Variants in DIP2C observed in about 807,000 individuals in gnomAD.
DIP2C encodes DIP2 acetate--CoA ligase C (putative).
Under a neutral mutation model 192.4 loss-of-function variants are expected in DIP2C, and 33 were observed. That is an observed-to-expected ratio of 0.17 (90% CI 0.13 to 0.23). The LOEUF is 0.23. DIP2C is among the 10% of genes least tolerant of loss of function. DIP2C has a pLI of 1.00. For synonymous variants in DIP2C, 979 were observed against 864.1 expected, an observed-to-expected ratio of 1.13 and a Z score of -2.33; for missense variants, 1,537 against 2,110.1, an observed-to-expected ratio of 0.73 and a Z score of 5.32.
At chr10:512,485 G>GGATCACCTGAGAGGT in intron 1 of DIP2C, among the ~76,000 whole-genome samples, 1 of 152,036 alleles carries the variant, frequency 6.6e-6, no homozygotes, top group African/African-American at 2.4e-5. Context: ...TGAGGTGGGA[G>GGATCACCTGAGAGGT]GATCACCTGA....
chr10:675,678 C>T (rs1392182995), intron 1 of DIP2C, among the ~76,000 whole-genome samples: 1 of 152,116 alleles, frequency 6.6e-6, no homozygotes, highest in African/African-American at 2.4e-5. Context: ...TAGAGGAAAT[C>T]GATAGATTCC....
At chr10:590,556 C>T (rs925646914) in intron 1 of DIP2C, among the ~76,000 whole-genome samples, 12 of 152,190 alleles carry the variant, frequency 7.9e-5, no homozygotes, top group African/African-American at 2.7e-4. Context: ...CCAGCTTTGA[C>T]TCATTCACAT....
At chr10:432,099 A>G (rs568813294) in intron 4 of DIP2C, among the ~76,000 whole-genome samples, 1 of 151,584 alleles carries the variant, frequency 6.6e-6, no homozygotes, top group African/African-American at 2.4e-5. Context: ...TTTTTTTTAC[A>G]CTGTTGGATT....
At chr10:634,385 T>C (rs1304164465) in intron 1 of DIP2C, among the ~76,000 whole-genome samples, 1 of 152,230 alleles carries the variant, frequency 6.6e-6, no homozygotes, top group African/African-American at 2.4e-5. Flanking sequence ...CCACTCGTAA[T>C]GACCATCAGC....
intron 1 of DIP2C, among the ~76,000 whole-genome samples, chr10:514,715 G>A (rs997715693): frequency 1.3e-5 from 2 of 152,034 alleles, no homozygotes; most frequent in Admixed American, 6.5e-5. Context: ...CTTTCTGCAC[G>A]TCCCTGCTCC....
chr10:594,637 G>A (rs762922971), intron 1 of DIP2C, among the ~76,000 whole-genome samples: 6 of 150,864 alleles, frequency 4.0e-5, no homozygotes, highest in Non-Finnish European at 5.9e-5. Flanking sequence ...TGGAGGGCAC[G>A]TGGTGCTTTC....
At chr10:578,754 G>A (rs761139482) in intron 1 of DIP2C, among the ~76,000 whole-genome samples, 5 of 151,970 alleles carry the variant, frequency 3.3e-5, no homozygotes, top group African/African-American at 4.8e-5. Flanking sequence ...CATGCATAGT[G>A]TACACACATC....
At chr10:364,324 A>G (rs772659643) in intron 20 of DIP2C, 50 bp downstream of exon 20, 1 of 1,573,310 alleles carries the variant, frequency 6.4e-7, no homozygotes, top group Non-Finnish European at 8.7e-7. Context: ...ACCACATAAA[A>G]AATATGGCCG....
At position 651,421 on chromosome 10, in the gene DIP2C, C is replaced by G. The variant is rs779500663; in HGVS notation, c.85+38073G>C. The G allele has an allele frequency of 8.6e-6, 6 of 696,106 alleles. No individual in the cohort carries two copies. Among genetic ancestry groups the G allele is most frequent in the Non-Finnish European group, 1.6e-5 (6 of 380,794 alleles). 43.1% of individuals were successfully genotyped at this position (696,106 alleles called of 1,614,324 possible). Reference sequence around the variant, plus strand: ...ACAACCAAACTCGTGACTGAATGAACAAGTATGTTAAGTCGTTAAGTAAAA... The same window carrying G: ...ACAACCAAACTCGTGACTGAATGAAGAAGTATGTTAAGTCGTTAAGTAAAA... On this transcript the variant is annotated intron_variant, in intron 1 of 36. Coordinates refer to ENST00000280886, the MANE Select transcript of DIP2C (RefSeq NM_014974.3). This position sits in a 1 kb window ranked among gnomAD's most constrained non-coding sequence, Gnocchi z 4.1.
chr10:521,700 C>A (rs527851070), intron 1 of DIP2C, among the ~76,000 whole-genome samples: 1 of 152,328 alleles, frequency 6.6e-6, no homozygotes, highest in South Asian at 2.1e-4. Flanking sequence ...ATGGGGAAAT[C>A]CTGAATGTAG....
rs551423428 is a variant in DIP2C, at chr10:601,292, T to C, written c.85+88202A>G. Among the ~76,000 whole-genome samples the C allele has an allele frequency of 2.6e-5, 4 of 152,334 alleles. No individual in the cohort carries two copies. The East Asian group carries it at 7.7e-4, about 29-fold the overall frequency. On this transcript the variant is annotated intron_variant, in intron 1 of 36. Coordinates refer to ENST00000280886, the MANE Select transcript of DIP2C (RefSeq NM_014974.3). ...CAGGCAAAAATTTTAGGAAGCTACA[T>C]TAAGGTTTACAACACTCAAAATTTA...
At chr10:547,813 G>A (rs1333799506) in intron 1 of DIP2C, among the ~76,000 whole-genome samples, 12 of 151,984 alleles carry the variant, frequency 7.9e-5, no homozygotes, top group East Asian at 1.9e-4. Context: ...GGATTTTAAC[G>A]CTGCCCTGCT....
chr10:407,618 C>T (rs1023974370), intron 9 of DIP2C, among the ~76,000 whole-genome samples: 5 of 152,074 alleles, frequency 3.3e-5, no homozygotes, highest in African/African-American at 9.7e-5. Context: ...TAGTAATTGC[C>T]GTGCTTCTCG....
intron 1 of DIP2C, among the ~76,000 whole-genome samples, chr10:559,954 C>T (rs997792325): frequency 6.6e-6 from 1 of 151,690 alleles, no homozygotes; most frequent in African/African-American, 2.4e-5. Context: ...CTCATTGCTC[C>T]GGTTCTCACC....
intron 25 of DIP2C, 100 bp from the exon 26 acceptor site, chr10:348,862 G>C: frequency 1.3e-6 from 2 of 1,527,748 alleles, no homozygotes; most frequent in Non-Finnish European, 1.8e-6. Context: ...GTTCAACAGG[G>C]AAACGAGCAG....
At chr10:368,910 C>G (rs1032809076) in intron 18 of DIP2C, among the ~76,000 whole-genome samples, 1 of 152,234 alleles carries the variant, frequency 6.6e-6, no homozygotes, top group Admixed American at 6.5e-5. Context: ...CGTGTGCACC[C>G]TAAGAATGGT....
chr10:356,004 A>G (rs1436563350), intron 24 of DIP2C, among the ~76,000 whole-genome samples: 2 of 152,198 alleles, frequency 1.3e-5, no homozygotes, highest in Admixed American at 1.3e-4. Flanking sequence ...TGCTTCAACC[A>G]GGGAGGTGGA....
chr10:563,048 A>C (rs1338349619), intron 1 of DIP2C, among the ~76,000 whole-genome samples: 1 of 152,238 alleles, frequency 6.6e-6, no homozygotes, highest in Non-Finnish European at 1.5e-5. Flanking sequence ...TACACTGCCT[A>C]CAAGTGCTCT....
chr10:360,284 C>A (rs897065876), intron 22 of DIP2C, among the ~76,000 whole-genome samples: 1 of 152,186 alleles, frequency 6.6e-6, no homozygotes, highest in African/African-American at 2.4e-5. Flanking sequence ...TTCTTGGCAG[C>A]AGCTGACAGT....
Sources: gnomAD v4.1 joint callset for allele counts (sites outside exome capture counted in the v4.1 genomes callset) on GRCh38, gnomAD v4.1.1 for gene constraint, Gnocchi (gnomAD v3.1) non-coding constraint, MANE v1.5 for transcripts, NCBI Gene and HGNC (gene_info 2026-07-23, HGNC 2026-07-21) for gene names.